The following KCNH7 variants were observed in gnomAD, a reference collection of about 807,000 sequenced individuals.
The protein encoded by KCNH7 is voltage-gated inwardly rectifying potassium channel KCNH7.
Under a neutral mutation model 120.8 loss-of-function variants are expected in KCNH7, and 49 were observed. The ratio of observed to expected loss-of-function variants is 0.41; its 90% CI spans 0.32 to 0.51. KCNH7 has a LOEUF of 0.51. Among genes scored for constraint, KCNH7 ranks in the 20% least tolerant of loss-of-function variants. The probability of loss-of-function intolerance (pLI) is 0.38; values close to 1 mark genes in which losing one functional copy is unlikely to be tolerated. For synonymous variants in KCNH7, 547 were observed against 516.1 expected (o/e 1.06, Z -0.81); for missense variants, 1,097 against 1,446.6 (o/e 0.76, Z 3.92).
At chr2:162,471,247 TAA>T (rs79162616) in intron 6 of KCNH7, among the ~76,000 whole-genome samples, 85 of 132,090 alleles carry the variant, frequency 6.4e-4, no homozygotes, top group African/African-American at 8.9e-4. Flanking sequence ...ATCAATAAAT[TAA>T]AAAAAAAAAA....
At chr2:162,794,005 A>C (rs1573893816) in intron 2 of KCNH7, among the ~76,000 whole-genome samples, 1 of 152,024 alleles carries the variant, frequency 6.6e-6, no homozygotes, top group Non-Finnish European at 1.5e-5. Flanking sequence ...TGATTACTTC[A>C]CAATGTATAC....
intron 10 of KCNH7, 87 bp from the exon 11 acceptor site, chr2:162,397,032 A>G (rs1055351933): frequency 9.4e-6 from 8 of 853,786 alleles, no homozygotes; most frequent in African/African-American, 8.5e-5. Flanking sequence ...TCATTAAACA[A>G]TTGATCAATC....
intron 6 of KCNH7, among the ~76,000 whole-genome samples, chr2:162,489,489 G>A (rs931361975): frequency 1.3e-5 from 2 of 152,096 alleles, no homozygotes; most frequent in Non-Finnish European, 2.9e-5. Context: ...GGCTATACAA[G>A]CTTGGACTAG....
intron 2 of KCNH7, among the ~76,000 whole-genome samples, chr2:162,622,761 G>C (rs1213927335): frequency 2.6e-5 from 4 of 152,128 alleles, no homozygotes; most frequent in African/African-American, 9.7e-5. Flanking sequence ...AGAATAAAAA[G>C]TCCTGATTAC....
intron 2 of KCNH7, among the ~76,000 whole-genome samples, chr2:162,611,208 C>A (rs1055210166): frequency 1.3e-5 from 2 of 152,154 alleles, no homozygotes; most frequent in African/African-American, 2.4e-5. Flanking sequence ...GGCAGAGGAG[C>A]AAATGCTGAT....
At chr2:162,634,082 T>C (rs1683858554) in intron 2 of KCNH7, among the ~76,000 whole-genome samples, 2 of 152,060 alleles carry the variant, frequency 1.3e-5, no homozygotes, top group African/African-American at 4.8e-5. Context: ...TTACTATAGT[T>C]AATGGGATGT....
At chr2:162,511,882 G>A (rs1691091183) in intron 5 of KCNH7, among the ~76,000 whole-genome samples, 3 of 151,646 alleles carry the variant, frequency 2.0e-5, no homozygotes, top group Admixed American at 2.0e-4. Context: ...CACACCCACA[G>A]CAGCATGCAT....
At chr2:162,429,388 T>TTTTTTTTTTTTTTTTTTTTA (rs1687987875) in intron 8 of KCNH7, among the ~76,000 whole-genome samples, 1 of 70,732 alleles carries the variant, frequency 1.4e-5, no homozygotes. Flanking sequence ...AAAGTCTTTT[T>TTTTTTTTTTTTTTTTTTTTA]TTTTTTTTTT....
At chr2:162,794,898 C>G (rs1684082593) in intron 2 of KCNH7, among the ~76,000 whole-genome samples, 4 of 151,972 alleles carry the variant, frequency 2.6e-5, no homozygotes. Flanking sequence ...TGATATCCTT[C>G]AATTTTAATA....
chr2:162,604,889 G>C (rs774375137), intron 2 of KCNH7, among the ~76,000 whole-genome samples: 1 of 152,004 alleles, frequency 6.6e-6, no homozygotes, highest in African/African-American at 2.4e-5. Context: ...AAAGAAGAAA[G>C]AAATATTAAA....
chr2:162,781,633 A>G (rs1365908395), intron 2 of KCNH7, among the ~76,000 whole-genome samples: 1 of 152,064 alleles, frequency 6.6e-6, no homozygotes, highest in Non-Finnish European at 1.5e-5. Context: ...TTCATTACAT[A>G]TATTATACTT....
intron 2 of KCNH7, among the ~76,000 whole-genome samples, chr2:162,776,542 A>C (rs2105482997): frequency 6.6e-6 from 1 of 152,244 alleles, no homozygotes; most frequent in Admixed American, 6.5e-5. Context: ...GGACAAGAGA[A>C]AGAAAGAGAA....
intron 6 of KCNH7, among the ~76,000 whole-genome samples, chr2:162,490,185 A>G (rs1288535679): frequency 6.6e-6 from 1 of 152,244 alleles, no homozygotes; most frequent in African/African-American, 2.4e-5. Flanking sequence ...GAATTTGCAC[A>G]GGAAGATTGC....
intron 2 of KCNH7, among the ~76,000 whole-genome samples, chr2:162,821,343 G>C (rs1022362317): frequency 1.3e-5 from 2 of 152,184 alleles, no homozygotes; most frequent in Admixed American, 1.3e-4. Context: ...TTTACAGAGG[G>C]ATTGGTTGGC....
intron 2 of KCNH7, among the ~76,000 whole-genome samples, chr2:162,581,325 T>C (rs1351047442): frequency 2.0e-5 from 3 of 152,124 alleles, no homozygotes; most frequent in African/African-American, 7.2e-5. Flanking sequence ...CCGTAAGTGA[T>C]GGAACAAAAT....
At chr2:162,573,400 A>G (rs2105903135) in intron 2 of KCNH7, among the ~76,000 whole-genome samples, 1 of 152,174 alleles carries the variant, frequency 6.6e-6, no homozygotes, top group East Asian at 1.9e-4. Context: ...ATGAATAAAA[A>G]GTTTGATGTA....
chr2:162,478,205 C>T (rs996217922), intron 6 of KCNH7, among the ~76,000 whole-genome samples: 11 of 152,130 alleles, frequency 7.2e-5, no homozygotes, highest in Non-Finnish European at 1.6e-4. Context: ...ATTAACTGCT[C>T]AAGGCTCCCA....
chr2:162,827,532 T>TAGAG (rs36086614), intron 2 of KCNH7, among the ~76,000 whole-genome samples: 90,861 of 151,588 alleles, frequency 0.6, 28,184 homozygotes, highest in South Asian at 0.84. Context: ...CTCTGCCTGA[T>TAGAG]ATTCATTTTG....
At chr2:162,492,226 T>C (rs1179571054) in intron 6 of KCNH7, among the ~76,000 whole-genome samples, 2 of 152,228 alleles carry the variant, frequency 1.3e-5, no homozygotes, top group Non-Finnish European at 2.9e-5. Flanking sequence ...TGGTGCACTT[T>C]GTGTGTCTTT....
Sources: allele counts gnomAD v4.1 joint callset (sites outside exome capture counted in the v4.1 genomes callset), GRCh38; gene constraint gnomAD v4.1.1; transcripts MANE v1.5; gene names NCBI Gene and HGNC (gene_info 2026-07-23, HGNC 2026-07-21).